Variants in SEC22C observed in about 807,000 individuals in gnomAD.
SEC22C encodes vesicle-trafficking protein SEC22c.
In SEC22C, 29 loss-of-function variants were observed where a neutral mutation model predicts 34.7. The ratio of observed to expected loss-of-function variants is 0.84; its 90% CI spans 0.62 to 1.14. SEC22C has a LOEUF of 1.14. SEC22C is among the 50% of genes most tolerant of loss of function. The pLI is 0.00. For missense variants in SEC22C, 337 were observed against 369.0 expected, an observed-to-expected ratio of 0.91 and a Z score of 0.71; for synonymous variants, 117 against 132.8, an observed-to-expected ratio of 0.88 and a Z score of 0.82.
chr3:42,592,615 T>C (rs1704888578), intron 1 of SEC22C, among the ~76,000 whole-genome samples: 1 of 152,242 alleles, frequency 6.6e-6, no homozygotes, highest in Admixed American at 6.5e-5. Context: ...CTTAATAGAA[T>C]AGTAGAGATA....
chr3:42,591,607 T>G lies in SEC22C; in HGVS notation c.-28+9353A>C, dbSNP rs1704847933. Reference sequence around the variant, plus strand: ...CGCGGGAACGAGTGCGTGCAGTAAGTACCCCCACCCCCGCGCCCCTGACCT... The same window carrying G: ...CGCGGGAACGAGTGCGTGCAGTAAGGACCCCCACCCCCGCGCCCCTGACCT... On this transcript the variant is annotated intron_variant, in intron 1 of 6. Transcript: ENST00000417572. 6.2e-7 allele frequency: 1 copy of G among 1,606,772 alleles called. No homozygotes were observed. Among genetic ancestry groups the G allele is most frequent in the Admixed American group, 1.7e-5 (1 of 60,002 alleles).
Position 42,548,463 on chromosome 3 carries a change from A to G in SEC22C, c.*4785T>C, listed in dbSNP as rs1329264195. On this transcript the variant is annotated 3_prime_UTR_variant, in exon 7 of 7. Transcript: ENST00000264454. ...CTCTGCCATCAATACACATGGGCAGATGTTTCCGAATCCAGCCATTCCCAG... is the reference window on the plus strand; with the variant it reads ...CTCTGCCATCAATACACATGGGCAGGTGTTTCCGAATCCAGCCATTCCCAG... 1 of 811,200 alleles carries G rather than the reference A, an allele frequency of 1.2e-6. No individual in the cohort carries two copies. Among genetic ancestry groups the G allele is most frequent in the Admixed American group, 2.3e-5 (1 of 42,898 alleles). 50.3% of individuals were successfully genotyped at this position (811,200 alleles called of 1,614,324 possible). A position where few individuals can be genotyped will look rare whatever the true frequency, so the allele number is the denominator to read the frequency against.
chr3:42,585,347 A>G (rs1704576055), upstream of SEC22C, among the ~76,000 whole-genome samples: 1 of 152,204 alleles, frequency 6.6e-6, no homozygotes, highest in African/African-American at 2.4e-5. Flanking sequence ...CTCCAGGTTC[A>G]CAGTCAACTC....
At chr3:42,596,099 G>A (rs777075749) in intron 1 of SEC22C, among the ~76,000 whole-genome samples, 2 of 151,654 alleles carry the variant, frequency 1.3e-5, no homozygotes, top group Non-Finnish European at 2.9e-5. Context: ...TTGGCTCACT[G>A]CAACCTCTAC....
chr3:42,559,730 A>T (rs774723905), intron 4 of SEC22C, among the ~76,000 whole-genome samples: 2 of 152,342 alleles, frequency 1.3e-5, no homozygotes, highest in South Asian at 4.1e-4. Context: ...CCATTATAGA[A>T]TTCTTCGAAT....
At chr3:42,590,609 C>T (rs1704786241) in intron 1 of SEC22C, among the ~76,000 whole-genome samples, 1 of 152,016 alleles carries the variant, frequency 6.6e-6, no homozygotes, top group Admixed American at 6.6e-5. Context: ...GCATGCACAG[C>T]CTAACACTGG....
intron 2 of SEC22C, among the ~76,000 whole-genome samples, chr3:42,567,425 C>T (rs565874416): frequency 6.8e-4 from 104 of 152,286 alleles, no homozygotes; most frequent in African/African-American, 2.3e-3. Context: ...GACTTTGGTG[C>T]CTAACTGCCT....
In SEC22C at chr3:42,548,882, C is replaced by T. The variant is rs1577277080; in HGVS notation, c.*4366G>A. The T allele has an allele frequency of 2.3e-6, 3 of 1,300,090 alleles. No individual in the cohort carries two copies. The South Asian group carries it at 6.5e-5, about 28-fold the overall frequency. 80.5% of individuals were successfully genotyped at this position (1,300,090 alleles called of 1,614,324 possible). A position where few individuals can be genotyped will look rare whatever the true frequency, so the allele number is the denominator to read the frequency against. On this transcript the variant is annotated 3_prime_UTR_variant, in exon 7 of 7. Transcript: ENST00000264454. Reference sequence around the variant, plus strand: ...TACCAGGTGAATGTAAAGCCTTTCTCCTCCCACACACAATGGACTCACCCA... The same window carrying T: ...TACCAGGTGAATGTAAAGCCTTTCTTCTCCCACACACAATGGACTCACCCA...
chr3:42,548,640 G>T lies in SEC22C; in HGVS notation c.*4608C>A. 1 of 1,613,974 alleles carries T rather than the reference G, an allele frequency of 6.2e-7. No homozygotes were observed. The highest frequency in any genetic ancestry group is 8.5e-7 in the Non-Finnish European group (1 of 1,180,028). ...CTCACGAGGTTTGGTCCAACCAGCA[G>T]AACCAGCTCCTTGGATCCTGGAATA... On this transcript the variant is annotated 3_prime_UTR_variant, in exon 7 of 7. Coordinates refer to ENST00000264454, the MANE Select transcript of SEC22C (RefSeq NM_032970.4).
rs554508544 is a variant in SEC22C, at chr3:42,550,165, A to C, written c.*3083T>G. On this transcript the variant is annotated 3_prime_UTR_variant, in exon 7 of 7. Coordinates refer to ENST00000264454, the MANE Select transcript of SEC22C (RefSeq NM_032970.4). ...AGCCACACTCTGGCCTTGATACAGT[A>C]GATGGGACTTAACACACTCTGATGC... The C allele has an allele frequency of 1.0e-6, 1 of 985,512 alleles. No homozygotes were observed. Among genetic ancestry groups the C allele is most frequent in the African/African-American group, 1.7e-5 (1 of 57,392 alleles). The allele number at this position is 985,512 out of a possible 1,614,324, so 61.0% of individuals were successfully genotyped here. A position where few individuals can be genotyped will look rare whatever the true frequency, so the allele number is the denominator to read the frequency against.
chr3:42,566,459 G>A (rs548440078), intron 2 of SEC22C, among the ~76,000 whole-genome samples: 5 of 152,202 alleles, frequency 3.3e-5, no homozygotes, highest in Admixed American at 6.5e-5. Context: ...GGAGAATCAC[G>A]AGGTTAGGAG....
rs1046143728 is a variant in SEC22C, at chr3:42,550,865, C to T, written c.*2383G>A. On this transcript the variant is annotated 3_prime_UTR_variant, in exon 7 of 7. Coordinates refer to ENST00000264454, the MANE Select transcript of SEC22C (RefSeq NM_032970.4). ...CAGTCCATTTTTAAGCCGTTCTTAC[C>T]GACTTTTTTTTTTTTTTTTTTTGAG... 4.7e-5 allele frequency: 46 copies of T among 972,040 alleles called. No homozygotes were observed. Among genetic ancestry groups the T allele is most frequent in the Admixed American group, 1.3e-4 (2 of 14,996 alleles). 60.2% of individuals were successfully genotyped at this position (972,040 alleles called of 1,614,324 possible).
At chr3:42,591,200 C>CTTTTT in intron 1 of SEC22C, 4 of 460,070 alleles carry the variant, frequency 8.7e-6, no homozygotes, top group South Asian at 2.6e-5. Context: ...CCCTTTCTCT[C>CTTTTT]CTTTTTTTTT....
rs776953245 is a variant in SEC22C, at chr3:42,563,652, T to C, written c.217A>G (p.Ile73Val). 21 of 1,614,078 alleles carry C rather than the reference T, an allele frequency of 1.3e-5. No individual in the cohort carries two copies. Among genetic ancestry groups the C allele is most frequent in the Middle Eastern group, 1.6e-4 (1 of 6,062 alleles). The part of the protein sequence containing the change: ...SSFGDVACMA[I>V]CSCQCPAAMA... ...GCTGCTGGACACTGGCAGGAGCAGA[T>C]AGCCATGCAGGCCACGTCCCCGAAA... Residue 73 changes from isoleucine to valine, a missense_variant, in exon 3 of 7, where the codon ATC (isoleucine) becomes GTC (valine). Ile to Val is a conservative substitution (Grantham distance 29, BLOSUM62 3). Transcript: ENST00000264454.
chr3:42,554,485 C>T (rs993142563), intron 6 of SEC22C, among the ~76,000 whole-genome samples: 1 of 152,110 alleles, frequency 6.6e-6, no homozygotes, highest in African/African-American at 2.4e-5. Flanking sequence ...GCTGGGACTA[C>T]AGGTATGCAC....
chr3:42,584,956 G>A (rs112440650), upstream of SEC22C, among the ~76,000 whole-genome samples: 1,813 of 152,160 alleles, frequency 0.012, 19 homozygotes, highest in South Asian at 0.023. Flanking sequence ...GCAAAACCCC[G>A]TCTCTATTGA....
chr3:42,553,127 G>A lies in SEC22C; in HGVS notation c.*121C>T, dbSNP rs1008437843. On this transcript the variant is annotated 3_prime_UTR_variant, in exon 7 of 7. Coordinates refer to ENST00000264454, the MANE Select transcript of SEC22C (RefSeq NM_032970.4). The stretch of plus-strand genomic sequence containing the variant: ...AACTGTTTAACATCCCCAATTCCTG[G>A]TTTTTCAGTCCAGTTGGCTGAAAAG... The A allele has an allele frequency of 6.1e-6, 9 of 1,471,094 alleles. No individual in the cohort carries two copies. Among genetic ancestry groups the A allele is most frequent in the Admixed American group, 5.1e-5 (2 of 39,454 alleles). The allele number at this position is 1,471,094 out of a possible 1,614,324, so 91.1% of individuals were successfully genotyped here.
At chr3:42,580,924 AG>A (rs1314021322) in intron 1 of SEC22C, among the ~76,000 whole-genome samples, 4 of 152,242 alleles carry the variant, frequency 2.6e-5, no homozygotes, top group Non-Finnish European at 4.4e-5. Flanking sequence ...CCTTGAAGTC[AG>A]GTTGTCCTCT....
chr3:42,570,737 A>C (rs1383889742), intron 1 of SEC22C, among the ~76,000 whole-genome samples: 1 of 152,210 alleles, frequency 6.6e-6, no homozygotes, highest in Non-Finnish European at 1.5e-5. Context: ...AAAAGGAATC[A>C]GGGGATTCCT....
Sources: allele counts gnomAD v4.1 joint callset (sites outside exome capture counted in the v4.1 genomes callset), GRCh38; gene constraint gnomAD v4.1.1; transcripts MANE v1.5; gene names NCBI Gene and HGNC (gene_info 2026-07-23, HGNC 2026-07-21).